The following TOP3B variants were observed in gnomAD, a reference collection of about 807,000 sequenced individuals.
TOP3B encodes the protein DNA topoisomerase 3-beta-1.
Under a neutral mutation model 93.9 loss-of-function variants are expected in TOP3B, and 45 were observed. The ratio of observed to expected loss-of-function variants is 0.48; its 90% CI spans 0.38 to 0.61. The LOEUF (loss-of-function observed/expected upper bound fraction) is 0.61. Among genes scored for constraint, TOP3B ranks in the 20% least tolerant of loss-of-function variants. The probability of loss-of-function intolerance (pLI) is 0.00; values close to 1 mark genes in which losing one functional copy is unlikely to be tolerated. For synonymous variants in TOP3B, 357 were observed against 472.6 expected (o/e 0.76, Z 3.17); for missense variants, 750 against 1,156.1 (o/e 0.65, Z 5.09).
chr22:21,972,840 C>G, intron 3 of TOP3B, 122 bp from the exon 4 acceptor site: 1 of 801,412 alleles, frequency 1.2e-6, no homozygotes, highest in South Asian at 1.5e-5. Context: ...AACAATTTGC[C>G]CAGGGTCATC....
At position 21,971,467 on chromosome 22, in the gene TOP3B, T is replaced by G. The variant is rs1311472787; in HGVS notation, c.384+410A>C. ...GAGGCATCCTGGATGAGGCAGGAGA[T>G]GAGCAGAGCGAGGCCTGCAAAAGGA... On this transcript the variant is annotated intron_variant, in intron 5 of 17. Transcript: ENST00000357179. This position sits in a 1 kb window ranked among gnomAD's most constrained non-coding sequence, Gnocchi z 4.6. The G allele has an allele frequency of 9.1e-6, 3 of 328,332 alleles. No homozygotes were observed. The highest frequency in any genetic ancestry group is 1.8e-5 in the Non-Finnish European group (3 of 167,808). The allele number at this position is 328,332 out of a possible 1,614,324, so 20.3% of individuals were successfully genotyped here.
Position 21,971,873 on chromosome 22 carries a change from T to G in TOP3B, c.384+4A>C. On this transcript the variant is annotated splice_donor_region_variant and intron_variant, in intron 5 of 17. Transcript: ENST00000357179. The surrounding 1 kb of genome is among the most constrained non-coding windows in gnomAD (Gnocchi z 4.6). ...GTGAGGAACAAAGTGAGCCTCACAC[T>G]CACCTCAAAGCAGATGTTCTCCCCC... 2 of 1,613,974 alleles carry G rather than the reference T, an allele frequency of 1.2e-6. No homozygotes were observed. The highest frequency in any genetic ancestry group is 1.7e-6 in the Non-Finnish European group (2 of 1,179,898).
At position 21,971,620 on chromosome 22, in the gene TOP3B, C is replaced by A; in HGVS notation, c.384+257G>T. On this transcript the variant is annotated intron_variant, in intron 5 of 17. Transcript: ENST00000357179. The surrounding 1 kb of genome is among the most constrained non-coding windows in gnomAD (Gnocchi z 4.6). ...ATTCTGAAACCTGCATCCACCCAGA[C>A]AATTTGGCCCCTCCTATGTTCACTC... The A allele has an allele frequency of 3.8e-6, 2 of 521,338 alleles. No individual in the cohort carries two copies. Among genetic ancestry groups the A allele is most frequent in the Non-Finnish European group, 7.0e-6 (2 of 284,962 alleles). 32.3% of individuals were successfully genotyped at this position (521,338 alleles called of 1,614,324 possible). A position where few individuals can be genotyped will look rare whatever the true frequency, so the allele number is the denominator to read the frequency against.
chr22:21,972,007 G>GCCC, intron 4 of TOP3B, 56 bp from the exon 5 acceptor site: 1 of 1,476,458 alleles, frequency 6.8e-7, no homozygotes. Flanking sequence ...TGTGCCACCC[G>GCCC]CCCCCAGTGC....
Position 21,962,743 on chromosome 22 carries a change from T to G in TOP3B, c.1351+4A>C, listed in dbSNP as rs373937193. ...GAGGAGGAAGGCTGGGCCCGTGGTG[T>G]GACCTGGTGAGAGGACGGTCTTCCC... On this transcript the variant is annotated splice_donor_region_variant and intron_variant, in intron 12 of 17. Transcript: ENST00000357179. 4.3e-6 allele frequency: 7 copies of G among 1,613,998 alleles called. No homozygotes were observed. Among genetic ancestry groups the G allele is most frequent in the Non-Finnish European group, 5.9e-6 (7 of 1,180,012 alleles).
chr22:21,979,265 T>C (rs5756312), intron 1 of TOP3B, among the ~76,000 whole-genome samples: 19,976 of 151,548 alleles, frequency 0.13, 1,440 homozygotes, highest in East Asian at 0.24. Flanking sequence ...GTGTGCTCTG[T>C]GGGGTCCAGG....
chr22:21,979,856 G>T (rs896398410), intron 1 of TOP3B, among the ~76,000 whole-genome samples: 2 of 150,960 alleles, frequency 1.3e-5, no homozygotes, highest in South Asian at 4.2e-4. Context: ...CAGGAGAATG[G>T]TGTGAACCCG....
Position 21,963,982 on chromosome 22 carries a change from T to A in TOP3B, c.1145A>T (p.His382Leu). 1 of 1,612,820 alleles carries A rather than the reference T, an allele frequency of 6.2e-7. No homozygotes were observed. The highest frequency in any genetic ancestry group is 1.7e-5 in the Admixed American group (1 of 59,868). ...GATGGGGGGATGGTCGCCGGCGTCATGGCCTTTCCGCGGGCGGTTGATACC... is the reference window on the plus strand; with the variant it reads ...GATGGGGGGATGGTCGCCGGCGTCAAGGCCTTTCCGCGGGCGGTTGATACC... The part of the protein sequence containing the change: ...AEGINRPRKG[H>L]DAGDHPPITP... Residue 382 changes from histidine (H) to leucine (L), a missense_variant, in exon 11 of 18, where the codon CAT becomes CTT. His to Leu is a moderately conservative substitution (Grantham distance 99). Coordinates refer to ENST00000357179, the MANE Select transcript of TOP3B (RefSeq NM_001282112.2). The surrounding 1 kb of genome is among the most constrained non-coding windows in gnomAD (Gnocchi z 4.8).
rs924728652 is a variant in TOP3B, at chr22:21,965,308, A to G, written c.920T>C (p.Leu307Pro). ...RPLALNTVEM[L>P]RVASSSLGMG... ...ACCCAGAGAAGAGCTGGCCACACGC[A>G]GCATCTCCACAGTGTTCAGGGCCAG... Residue 307 changes from leucine (L) to proline (P), a missense_variant, in exon 9 of 18, where the codon CTG becomes CCG. By Grantham distance (98) the Leu-to-Pro change is moderately conservative (BLOSUM62 -3). Around this residue, in one of 4 missense-constraint regions of TOP3B, gnomAD observed 737 missense variants for 933.7 expected, o/e 0.79. Transcript: ENST00000357179. The G allele has an allele frequency of 1.3e-5, 21 of 1,601,314 alleles. No individual in the cohort carries two copies. Among genetic ancestry groups the G allele is most frequent in the Admixed American group, 1.7e-5 (1 of 58,698 alleles).
intron 4 of TOP3B, chr22:21,972,228 A>C: frequency 2.0e-6 from 1 of 490,524 alleles, no homozygotes; most frequent in East Asian, 3.4e-5. Context: ...TTAAAATGAA[A>C]TAACCCTAAA....
At chr22:21,972,308 T>C in intron 4 of TOP3B, 2 of 461,902 alleles carry the variant, frequency 4.3e-6, no homozygotes, top group Non-Finnish European at 7.6e-6. Context: ...ATCTGCACTT[T>C]CTAATTTTCC....
chr22:21,959,487 C>A (rs965317204), intron 15 of TOP3B, 100 bp downstream of exon 15: 1 of 1,518,434 alleles, frequency 6.6e-7, no homozygotes, highest in Non-Finnish European at 8.8e-7. Context: ...AAGCCCAGAT[C>A]TGGGAGCTGG....
At chr22:21,964,691 G>A (rs998234141) in intron 9 of TOP3B, 2 of 259,370 alleles carry the variant, frequency 7.7e-6, no homozygotes, top group Admixed American at 9.7e-5. Context: ...GTTGGCTGAC[G>A]ACAGAGTTAG....
chr22:21,959,925 G>A, intron 14 of TOP3B, 189 bp from the exon 15 acceptor site: 1 of 760,350 alleles, frequency 1.3e-6, no homozygotes, highest in Non-Finnish European at 2.1e-6. Flanking sequence ...GACCTTTCCT[G>A]ATTTCCCACC....
intron 10 of TOP3B, 53 bp downstream of exon 10, chr22:21,964,108 C>A (rs2266974): frequency 0.054 from 87,005 of 1,610,894 alleles, 4,281 homozygotes; most frequent in East Asian, 0.24. Flanking sequence ...CAGACCTGGT[C>A]CCAAGGCCTC....
intron 17 of TOP3B, chr22:21,958,156 G>A: frequency 1.6e-6 from 2 of 1,263,406 alleles, no homozygotes; most frequent in East Asian, 4.5e-5. Flanking sequence ...GGACGGTGGT[G>A]GACGCTGACT....
At chr22:21,972,216 G>A (rs2071668802) in intron 4 of TOP3B, 1 of 493,914 alleles carries the variant, frequency 2.0e-6, no homozygotes, top group Admixed American at 3.8e-5. Context: ...CCAGAAGAAG[G>A]GTTAAAATGA....
chr22:21,957,880 T>A (rs2070989475), intron 17 of TOP3B: 1 of 1,510,256 alleles, frequency 6.6e-7, no homozygotes, highest in Non-Finnish European at 8.8e-7. Context: ...AGCTTGTTAC[T>A]GGTAATGCCA....
rs1045812140 is a variant in TOP3B at position 21,960,513 on chromosome 22, TGTATCACCTGTCACG to T, written c.1526-79_1526-65del. The T allele has an allele frequency of 2.8e-5, 44 of 1,599,126 alleles. No homozygotes were observed. In the African/African-American group the frequency reaches 5.9e-4, roughly 21 times the overall value. On this transcript the variant is annotated intron_variant, in intron 13 of 17. Coordinates refer to ENST00000357179, the MANE Select transcript of TOP3B (RefSeq NM_001282112.2). ...GGACATGCCCCACTGAACCATGTGC[TGTATCACCTGTCACG>T]GGGCCCCTGGTGCTCAGGCCCTCTC...
Sources: gnomAD v4.1 joint callset for allele counts (sites outside exome capture counted in the v4.1 genomes callset) on GRCh38, gnomAD v4.1.1 for gene constraint, gnomAD v4.1.1 regional missense constraint, Gnocchi (gnomAD v3.1) non-coding constraint, MANE v1.5 for transcripts, NCBI Gene and HGNC (gene_info 2026-07-23, HGNC 2026-07-21) for gene names.